BCAS3: variants seen among roughly 807,000 people sequenced by gnomAD.
BCAS3 encodes BCAS3 microtubule associated cell migration factor.
BCAS3 carries 53 observed loss-of-function variants against 116.1 expected under a neutral mutation model. The ratio of observed to expected loss-of-function variants is 0.46; its 90% confidence interval spans 0.37 to 0.57. The LOEUF is 0.57. Ranked by LOEUF, BCAS3 falls within the 20% of genes least tolerant of loss-of-function variation. The probability of loss-of-function intolerance (pLI) is 0.00; values close to 1 mark genes in which losing one functional copy is unlikely to be tolerated. For synonymous variants in BCAS3, 391 were observed against 408.2 expected, an observed-to-expected ratio of 0.96 and a Z score of 0.51; for missense variants, 917 against 1,165.4, an observed-to-expected ratio of 0.79 and a Z score of 3.10.
intron 7 of BCAS3, among the ~76,000 whole-genome samples, chr17:60,855,507 T>C (rs2053600167): frequency 6.8e-6 from 1 of 146,482 alleles, no homozygotes; most frequent in Non-Finnish European, 1.5e-5. Context: ...CAGGCTGGAG[T>C]GCAGTGGTGA....
rs143066409 is a variant in BCAS3 at position 60,995,240 on chromosome 17, C to T, written c.1486+5005C>T. ...CAATCTTGGCTTGCTGCAACCTCCA[C>T]CTCCCGGGTTCAAGTGATTCTTCTG... On this transcript the variant is annotated intron_variant, in intron 15 of 23. Coordinates refer to ENST00000407086, the MANE Select transcript of BCAS3 (RefSeq NM_017679.5). The surrounding 1 kb of genome is among the most constrained non-coding windows in gnomAD (Gnocchi z 4.7). Among the ~76,000 whole-genome samples, 1,561 of 152,274 alleles carry T rather than the reference C, an allele frequency of 0.01. 34 individuals are homozygous for T. Among genetic ancestry groups the T allele is most frequent in the African/African-American group, 0.036 (1,498 of 41,552 alleles).
chr17:61,113,753 T>C (rs1440328967), intron 22 of BCAS3, among the ~76,000 whole-genome samples: 2 of 59,564 alleles, frequency 3.4e-5, no homozygotes, highest in Admixed American at 2.1e-4. Flanking sequence ...CCAGTGTCAT[T>C]CTGATACCAA....
chr17:60,764,070 A>G (rs1003573799), intron 6 of BCAS3, among the ~76,000 whole-genome samples: 12 of 151,838 alleles, frequency 7.9e-5, no homozygotes, highest in African/African-American at 2.9e-4. Context: ...TATTGCGTCT[A>G]TTTGATTCTT....
intron 22 of BCAS3, among the ~76,000 whole-genome samples, chr17:61,277,525 G>T (rs1012088700): frequency 6.6e-6 from 1 of 151,968 alleles, no homozygotes. Context: ...AAACATTCAG[G>T]CTTCTAAGAA....
chr17:61,108,600 A>C lies in BCAS3; in HGVS notation c.2425+24036A>C, dbSNP rs1200252834. Among the ~76,000 whole-genome samples the C allele has an allele frequency of 5.8e-5, 5 of 86,262 alleles. No individual in the cohort carries two copies. In the East Asian group the frequency reaches 1.8e-3, roughly 31 times the overall value. 56.6% of individuals were successfully genotyped at this position (86,262 alleles called of 152,430 possible). ...TAAAATTCTATCTTGATTTGTCTATAGTGGTTTTTTTTTTTTTTAATTTCA... is the reference window on the plus strand; with the variant it reads ...TAAAATTCTATCTTGATTTGTCTATCGTGGTTTTTTTTTTTTTTAATTTCA... On this transcript the variant is annotated intron_variant, in intron 22 of 23. Transcript: ENST00000407086.
At chr17:60,976,474 G>A (rs1484253372) in intron 14 of BCAS3, among the ~76,000 whole-genome samples, 1 of 151,474 alleles carries the variant, frequency 6.6e-6, no homozygotes, top group East Asian at 1.9e-4. Flanking sequence ...TCATTCTTGG[G>A]TGTTTCTCGG....
At chr17:60,862,649 AT>A (rs1289441941) in intron 7 of BCAS3, among the ~76,000 whole-genome samples, 1 of 151,800 alleles carries the variant, frequency 6.6e-6, no homozygotes, top group Non-Finnish European at 1.5e-5. Flanking sequence ...GAGTCATAAG[AT>A]TTTCTTTTCT....
rs1229833743 is a variant in BCAS3 at position 61,281,250 on chromosome 17, T to A, written c.2426-87077T>A. On this transcript the variant is annotated intron_variant, in intron 22 of 23. Transcript: ENST00000407086. The surrounding 1 kb of genome is among the most constrained non-coding windows in gnomAD (Gnocchi z 4.2). Reference sequence around the variant, plus strand: ...CAATGCCTATTGTTGGATGTATAGATGGTCTTCAATCTTTTGTCATTATAA... The same window carrying A: ...CAATGCCTATTGTTGGATGTATAGAAGGTCTTCAATCTTTTGTCATTATAA... Among the ~76,000 whole-genome samples, 1 of 152,256 alleles carries A rather than the reference T, an allele frequency of 6.6e-6. No individual in the cohort carries two copies. Among genetic ancestry groups the A allele is most frequent in the Non-Finnish European group, 1.5e-5 (1 of 68,044 alleles).
At chr17:61,153,499 A>G (rs1451093991) in intron 22 of BCAS3, among the ~76,000 whole-genome samples, 2 of 152,206 alleles carry the variant, frequency 1.3e-5, no homozygotes, top group African/African-American at 4.8e-5. Context: ...TGCTAGCCAC[A>G]TAATCTCTGC....
chr17:60,833,359 T>A (rs2051106169), intron 7 of BCAS3, among the ~76,000 whole-genome samples: 1 of 152,242 alleles, frequency 6.6e-6, no homozygotes, highest in South Asian at 2.1e-4. Context: ...AAATTTATTT[T>A]GGCAGTCTTT....
At chr17:60,829,769 C>G (rs1429172296) in intron 7 of BCAS3, among the ~76,000 whole-genome samples, 2 of 151,888 alleles carry the variant, frequency 1.3e-5, no homozygotes, top group East Asian at 1.9e-4. Flanking sequence ...TTCCATGAAC[C>G]TTTATTTATT....
Position 61,366,186 on chromosome 17 carries a change from C to A in BCAS3, c.2426-2141C>A. ...AGCCAACAGGGAGGAGGAGGGCCCA[C>A]GTTTTCTTGTTATCATTAAGTCCTT... On this transcript the variant is annotated intron_variant, in intron 22 of 23. Coordinates refer to ENST00000407086, the MANE Select transcript of BCAS3 (RefSeq NM_017679.5). This position sits in a 1 kb window ranked among gnomAD's most constrained non-coding sequence, Gnocchi z 4.5. Among the ~76,000 whole-genome samples, 1 of 151,552 alleles carries A rather than the reference C, an allele frequency of 6.6e-6. No homozygotes were observed. The highest frequency in any genetic ancestry group is 1.9e-4 in the East Asian group (1 of 5,176).
intron 6 of BCAS3, among the ~76,000 whole-genome samples, chr17:60,799,525 T>TG (rs1491336765): frequency 9.5e-6 from 1 of 105,198 alleles, no homozygotes; most frequent in Non-Finnish European, 1.9e-5. Flanking sequence ...TTAGTGTTTG[T>TG]TTTTTTTTTT....
At chr17:60,799,856 G>A (rs2047607961) in intron 6 of BCAS3, among the ~76,000 whole-genome samples, 1 of 151,552 alleles carries the variant, frequency 6.6e-6, no homozygotes, top group Non-Finnish European at 1.5e-5. Context: ...GAGACACCGT[G>A]CCTGGCTGAG....
At chr17:60,819,833 G>A (rs989664850) in intron 7 of BCAS3, among the ~76,000 whole-genome samples, 1 of 151,604 alleles carries the variant, frequency 6.6e-6, no homozygotes, top group Non-Finnish European at 1.5e-5. Flanking sequence ...CTTGATCCTA[G>A]CTCACTGTAG....
At chr17:60,771,455 C>T (rs964563013) in intron 6 of BCAS3, among the ~76,000 whole-genome samples, 1 of 152,062 alleles carries the variant, frequency 6.6e-6, no homozygotes, top group Non-Finnish European at 1.5e-5. Context: ...TTTCCTTTAC[C>T]TTAAATCAAA....
At chr17:60,986,044 T>C (rs937755999) in intron 14 of BCAS3, among the ~76,000 whole-genome samples, 1 of 152,204 alleles carries the variant, frequency 6.6e-6, no homozygotes, top group African/African-American at 2.4e-5. Context: ...GCCAAGTTCC[T>C]TGTTTTACGT....
intron 19 of BCAS3, among the ~76,000 whole-genome samples, chr17:61,046,559 T>C (rs2068372271): frequency 6.6e-6 from 1 of 151,786 alleles, no homozygotes; most frequent in African/African-American, 2.4e-5. Flanking sequence ...CCTAATACAA[T>C]GTAAGTGCTA....
intron 6 of BCAS3, among the ~76,000 whole-genome samples, chr17:60,796,228 G>T (rs180829966): frequency 1.9e-3 from 290 of 152,240 alleles, no homozygotes; most frequent in Non-Finnish European, 3.6e-3. Flanking sequence ...TGGTATTAGG[G>T]TAATGCTGGC....
Sources: allele counts gnomAD v4.1 joint callset (sites outside exome capture counted in the v4.1 genomes callset), GRCh38; gene constraint gnomAD v4.1.1; non-coding constraint Gnocchi (gnomAD v3.1); transcripts MANE v1.5; gene names NCBI Gene and HGNC (gene_info 2026-07-23, HGNC 2026-07-21).